Variants in FAM13C observed in about 807,000 individuals in gnomAD.
FAM13C encodes the protein protein FAM13C.
Under a neutral mutation model 73.2 loss-of-function variants are expected in FAM13C, and 37 were observed. That is an observed-to-expected ratio of 0.51 (90% CI 0.39 to 0.67). The LOEUF (loss-of-function observed/expected upper bound fraction) is 0.67, where lower values mean the gene tolerates loss of function less well. FAM13C is among the 30% of genes least tolerant of loss of function. FAM13C has a pLI of 0.00. For synonymous variants in FAM13C, 246 were observed against 260.9 expected, an observed-to-expected ratio of 0.94 and a Z score of 0.55; for missense variants, 589 against 715.6, an observed-to-expected ratio of 0.82 and a Z score of 2.02.
upstream of FAM13C, chr10:59,362,846 C>T: frequency 3.8e-6 from 1 of 260,312 alleles, no homozygotes; most frequent in Non-Finnish European, 7.2e-6. Context: ...AGTGTTTCTG[C>T]CGAAGTGCTG....
chr10:59,349,200 T>G (rs541443338), intron 3 of FAM13C, among the ~76,000 whole-genome samples: 1 of 152,360 alleles, frequency 6.6e-6, no homozygotes, highest in Admixed American at 6.5e-5. Flanking sequence ...TTCCTATTTC[T>G]GTCATCTATA....
intron 3 of FAM13C, among the ~76,000 whole-genome samples, chr10:59,338,604 G>A (rs1334794271): frequency 6.6e-6 from 1 of 152,326 alleles, no homozygotes; most frequent in East Asian, 1.9e-4. Context: ...CAGCCATGTT[G>A]TAGCTAATTC....
At chr10:59,292,214 T>G (rs1422026822) in intron 5 of FAM13C, among the ~76,000 whole-genome samples, 1 of 152,246 alleles carries the variant, frequency 6.6e-6, no homozygotes, top group Non-Finnish European at 1.5e-5. Flanking sequence ...ATGGAGTTAC[T>G]AGTACTTAAA....
chr10:59,248,664 G>C lies in FAM13C; in HGVS notation c.1635-927C>G, dbSNP rs996991160. Among the ~76,000 whole-genome samples the C allele has an allele frequency of 3.3e-5, 5 of 152,158 alleles. No homozygotes were observed. In the East Asian group the frequency reaches 9.7e-4, roughly 29 times the overall value. On this transcript the variant is annotated intron_variant, in intron 13 of 13. Coordinates refer to ENST00000618804, the MANE Select transcript of FAM13C (RefSeq NM_198215.4). The stretch of plus-strand genomic sequence containing the variant: ...CAATTACAACTGAATATAACCACAA[G>C]TATTCTCTAATGTTAGTATGGCTGA...
At chr10:59,271,971 A>G (rs2133577371) in intron 6 of FAM13C, among the ~76,000 whole-genome samples, 1 of 152,298 alleles carries the variant, frequency 6.6e-6, no homozygotes, top group African/African-American at 2.4e-5. Flanking sequence ...TTGCTGTTTT[A>G]TAATGCCAAA....
At chr10:59,280,294 C>G (rs750160428) in intron 6 of FAM13C, among the ~76,000 whole-genome samples, 20 of 152,174 alleles carry the variant, frequency 1.3e-4, no homozygotes, top group Non-Finnish European at 1.9e-4. Flanking sequence ...TGCCTTGCAG[C>G]CAATTTCCTC....
intron 3 of FAM13C, among the ~76,000 whole-genome samples, chr10:59,347,359 C>T (rs941993894): frequency 3.9e-5 from 6 of 152,072 alleles, no homozygotes; most frequent in African/African-American, 1.4e-4. Context: ...TCATTGCCAA[C>T]ATTAAAGGAA....
intron 4 of FAM13C, among the ~76,000 whole-genome samples, chr10:59,321,186 G>A (rs1850196306): frequency 6.6e-6 from 1 of 152,106 alleles, no homozygotes; most frequent in Non-Finnish European, 1.5e-5. Flanking sequence ...TCGAGATAGG[G>A]AAATTATCTG....
intron 13 of FAM13C, among the ~76,000 whole-genome samples, chr10:59,250,795 T>G (rs1238663978): frequency 6.6e-6 from 1 of 152,206 alleles, no homozygotes; most frequent in Non-Finnish European, 1.5e-5. Context: ...AAAGTTACAC[T>G]CTTCATTTAT....
intron 5 of FAM13C, among the ~76,000 whole-genome samples, chr10:59,302,369 A>G (rs1487109961): frequency 2.0e-5 from 3 of 152,240 alleles, no homozygotes; most frequent in Non-Finnish European, 4.4e-5. Flanking sequence ...AGAAAATCAC[A>G]TTGCAAACAC....
chr10:59,321,604 G>C (rs183599344), intron 4 of FAM13C, among the ~76,000 whole-genome samples: 2 of 152,078 alleles, frequency 1.3e-5, no homozygotes, highest in African/African-American at 4.8e-5. Context: ...CACATTCATA[G>C]ACCTTCCTGA....
At chr10:59,345,070 A>C (rs1209085962) in intron 3 of FAM13C, among the ~76,000 whole-genome samples, 1 of 152,194 alleles carries the variant, frequency 6.6e-6, no homozygotes, top group African/African-American at 2.4e-5. Flanking sequence ...AAGTATGTAA[A>C]AGATGCATAG....
At chr10:59,354,898 C>T (rs920782578) in intron 2 of FAM13C, among the ~76,000 whole-genome samples, 2 of 151,964 alleles carry the variant, frequency 1.3e-5, no homozygotes, top group African/African-American at 4.8e-5. Context: ...CTTGCTGTTC[C>T]TGCAACTCAA....
intron 1 of FAM13C, 57 bp from the exon 2 acceptor site, chr10:59,356,000 A>C: frequency 6.7e-7 from 1 of 1,488,866 alleles, no homozygotes; most frequent in Non-Finnish European, 9.4e-7. Flanking sequence ...TAGCAGTAGT[A>C]GCAATAATCT....
chr10:59,327,577 A>C, intron 3 of FAM13C: 1 of 123,356 alleles, frequency 8.1e-6, no homozygotes, highest in African/African-American at 3.2e-5. Context: ...CCCCCCACCA[A>C]AAAAGGTGAC....
intron 6 of FAM13C, among the ~76,000 whole-genome samples, chr10:59,280,591 T>C (rs937722277): frequency 3.3e-5 from 5 of 152,202 alleles, no homozygotes; most frequent in African/African-American, 1.2e-4. Flanking sequence ...AACACACAGA[T>C]TCCAGGACTT....
chr10:59,291,324 A>T (rs1339022744), intron 5 of FAM13C, among the ~76,000 whole-genome samples: 1 of 152,174 alleles, frequency 6.6e-6, no homozygotes, highest in Admixed American at 6.5e-5. Context: ...TACAAGAAAA[A>T]GCCAAATTTA....
At chr10:59,311,874 G>A (rs1848967913) in intron 4 of FAM13C, among the ~76,000 whole-genome samples, 2 of 152,102 alleles carry the variant, frequency 1.3e-5, no homozygotes, top group Admixed American at 1.3e-4. Flanking sequence ...ACCTGTTGTG[G>A]GCTCTTCCTC....
At chr10:59,263,979 G>A in intron 9 of FAM13C, 106 bp downstream of exon 9, 1 of 1,002,586 alleles carries the variant, frequency 1.0e-6, no homozygotes, top group Non-Finnish European at 1.6e-6. Flanking sequence ...AGAAAACAAG[G>A]TGCAAGAGGG....
Sources: gnomAD v4.1 joint callset for allele counts (sites outside exome capture counted in the v4.1 genomes callset) on GRCh38, gnomAD v4.1.1 for gene constraint, MANE v1.5 for transcripts, NCBI Gene and HGNC (gene_info 2026-07-23, HGNC 2026-07-21) for gene names.